The following KIAA1671 variants were observed in gnomAD, a reference collection of about 807,000 sequenced individuals.
KIAA1671 encodes KIAA1671, also known as uncharacterized protein KIAA1671.
In KIAA1671, 52 loss-of-function variants were observed where a neutral mutation model predicts 131.2. The ratio of observed to expected loss-of-function variants is 0.40; its 90% CI spans 0.32 to 0.50. The LOEUF is 0.50. KIAA1671 is among the 20% of genes least tolerant of loss of function. The pLI is 0.73. For synonymous variants in KIAA1671, 1,003 were observed against 961.6 expected (o/e 1.04, Z -0.80); for missense variants, 2,360 against 2,364.2 (o/e 1.00, Z 0.04).
At chr22:25,180,160 G>A (rs1934216632) in intron 9 of KIAA1671, among the ~76,000 whole-genome samples, 1 of 152,252 alleles carries the variant, frequency 6.6e-6, no homozygotes, top group Non-Finnish European at 1.5e-5. Flanking sequence ...ATGCTGGAAA[G>A]GTAGGCAGGG....
intron 6 of KIAA1671, among the ~76,000 whole-genome samples, chr22:25,115,803 G>A (rs62233190): frequency 0.1 from 15,232 of 152,120 alleles, 832 homozygotes; most frequent in East Asian, 0.16. Context: ...TAGAGACAGA[G>A]CCTCACTTTG....
intron 6 of KIAA1671, among the ~76,000 whole-genome samples, chr22:25,105,887 T>C (rs5760857): frequency 0.78 from 117,161 of 151,060 alleles, 46,396 homozygotes; most frequent in African/African-American, 0.93. Context: ...TTTCACTTCT[T>C]TCTGCCGTGG....
At chr22:25,122,976 C>CA (rs1024222896) in intron 6 of KIAA1671, among the ~76,000 whole-genome samples, 23 of 150,576 alleles carry the variant, frequency 1.5e-4, no homozygotes, top group Admixed American at 1.3e-3. Flanking sequence ...CTCCATCTCA[C>CA]AAAAAAAACA....
chr22:25,109,748 C>T (rs995441201), intron 6 of KIAA1671, among the ~76,000 whole-genome samples: 1 of 152,172 alleles, frequency 6.6e-6, no homozygotes, highest in Non-Finnish European at 1.5e-5. Context: ...GGGCTGTGAG[C>T]CCTCTGCTCT....
chr22:25,026,890 A>G (rs1464282248), intron 2 of KIAA1671, among the ~76,000 whole-genome samples: 1 of 152,126 alleles, frequency 6.6e-6, no homozygotes, highest in Non-Finnish European at 1.5e-5. Flanking sequence ...GAGTTGCTGG[A>G]GGGTTAATGA....
chr22:25,182,287 T>G (rs1934316419), intron 10 of KIAA1671, among the ~76,000 whole-genome samples: 1 of 150,684 alleles, frequency 6.6e-6, no homozygotes, highest in South Asian at 2.1e-4. Context: ...CCTCCCTTCC[T>G]ACCTCTTTCT....
At chr22:25,079,603 G>T (rs1929292810) in intron 6 of KIAA1671, among the ~76,000 whole-genome samples, 1 of 152,156 alleles carries the variant, frequency 6.6e-6, no homozygotes, top group Non-Finnish European at 1.5e-5. Flanking sequence ...GGAGCTTGGG[G>T]GGAAACAGGA....
intron 6 of KIAA1671, among the ~76,000 whole-genome samples, chr22:25,159,988 CTG>C (rs1023380225): frequency 1.9e-4 from 29 of 152,346 alleles, no homozygotes; most frequent in African/African-American, 7.0e-4. Flanking sequence ...ACCGCCAACA[CTG>C]TGAACAATCT....
intron 1 of KIAA1671, among the ~76,000 whole-genome samples, chr22:24,976,325 G>A (rs992866915): frequency 2.0e-5 from 3 of 152,224 alleles, no homozygotes; most frequent in Admixed American, 6.5e-5. Flanking sequence ...GGAACAAAAG[G>A]CTTAGAGAGG....
At chr22:25,099,394 G>A (rs576784520) in intron 6 of KIAA1671, among the ~76,000 whole-genome samples, 64 of 152,228 alleles carry the variant, frequency 4.2e-4, no homozygotes, top group African/African-American at 1.5e-3. Flanking sequence ...GATGACATGA[G>A]ATGATGTGGG....
At position 25,193,939 on chromosome 22, in the gene KIAA1671, C is replaced by G. The variant is rs1267445881; in HGVS notation, c.*1538C>G. 6.6e-6 allele frequency: 1 copy of G among 152,200 alleles called. No homozygotes were observed. Among genetic ancestry groups the G allele is most frequent in the African/African-American group, 2.4e-5 (1 of 41,446 alleles). 9.4% of individuals were successfully genotyped at this position (152,200 alleles called of 1,614,324 possible). On this transcript the variant is annotated 3_prime_UTR_variant, in exon 13 of 13. Coordinates refer to ENST00000358431, the MANE Select transcript of KIAA1671 (RefSeq NM_001145206.2). ...TCATTCCCTGAATTAGTCATCAGTTCTCCGTGGCCATTTGGGGATTCATGC... is the reference window on the plus strand; with the variant it reads ...TCATTCCCTGAATTAGTCATCAGTTGTCCGTGGCCATTTGGGGATTCATGC...
chr22:25,084,515 T>C (rs908306192), intron 6 of KIAA1671, among the ~76,000 whole-genome samples: 37 of 151,876 alleles, frequency 2.4e-4, no homozygotes, highest in Non-Finnish European at 3.8e-4. Context: ...TTCTGGTTTA[T>C]CTGATCCTCC....
At chr22:25,137,291 G>A (rs957077389) in intron 6 of KIAA1671, among the ~76,000 whole-genome samples, 3 of 151,876 alleles carry the variant, frequency 2.0e-5, no homozygotes, top group Non-Finnish European at 4.4e-5. Context: ...TTCAATCAGG[G>A]AACAGGAGGA....
At chr22:25,061,975 G>GTT (rs1426109265) in intron 6 of KIAA1671, 1 of 150,788 alleles carries the variant, frequency 6.6e-6, no homozygotes, top group African/African-American at 2.5e-5. Flanking sequence ...TCTTCCTCCT[G>GTT]TTTTTTCTCC....
At chr22:25,026,192 C>A (rs1925933350) in intron 2 of KIAA1671, among the ~76,000 whole-genome samples, 1 of 152,208 alleles carries the variant, frequency 6.6e-6, no homozygotes, top group Non-Finnish European at 1.5e-5. Context: ...GTCTGCCTTT[C>A]TTTCCTGGAG....
At chr22:25,112,343 T>A in intron 6 of KIAA1671, 1 of 398,956 alleles carries the variant, frequency 2.5e-6, no homozygotes, top group Non-Finnish European at 4.4e-6. Context: ...CAAGCGTACT[T>A]CCTCCTTCCG....
At position 25,028,034 on chromosome 22, in the gene KIAA1671, C is replaced by A. The variant is rs1926045466; in HGVS notation, c.35C>A (p.Pro12His). 4 of 1,529,154 alleles carry A rather than the reference C, an allele frequency of 2.6e-6. No homozygotes were observed. The African/African-American group carries it at 5.5e-5, about 21-fold the overall frequency. 94.7% of individuals were successfully genotyped at this position (1,529,154 alleles called of 1,614,324 possible). The change falls in exon 3 of 13, where the codon CCC (proline) becomes CAC (histidine). Residue 12 changes from proline (P) to histidine (H), a missense_variant. Around this residue, in one of 3 missense-constraint regions of KIAA1671, gnomAD observed 1,185 missense variants for 1,126.2 expected, o/e 1.05. Coordinates refer to ENST00000358431, the MANE Select transcript of KIAA1671 (RefSeq NM_001145206.2). Reference sequence around the variant, plus strand: ...CGGGTCGAGGTGGGCTCCATAACGCCCTTGACGGCCGTGCCAGGCCTGGGT... The same window carrying A: ...CGGGTCGAGGTGGGCTCCATAACGCACTTGACGGCCGTGCCAGGCCTGGGT... ...ATRVEVGSIT[P>H]LTAVPGLGEM...
At chr22:25,015,438 A>C (rs561132046) in intron 1 of KIAA1671, among the ~76,000 whole-genome samples, 16 of 152,138 alleles carry the variant, frequency 1.1e-4, no homozygotes, top group Non-Finnish European at 2.4e-4. Flanking sequence ...GTGGTCAGCC[A>C]GTCCAAAAAT....
At position 25,130,382 on chromosome 22, in the gene KIAA1671, T is replaced by C. The variant is rs561053922; in HGVS notation, c.4531-40438T>C. 2.6e-5 allele frequency among the ~76,000 whole-genome samples: 4 copies of C among 152,210 alleles called. No homozygotes were observed. The South Asian group carries it at 8.3e-4, about 32-fold the overall frequency. On this transcript the variant is annotated intron_variant, in intron 6 of 12. Coordinates refer to ENST00000358431, the MANE Select transcript of KIAA1671 (RefSeq NM_001145206.2). Reference sequence around the variant, plus strand: ...AATAGACATTTCTTGAATGAATGAGTAGGTTAAAGAATGTGTACTGAGAAT... The same window carrying C: ...AATAGACATTTCTTGAATGAATGAGCAGGTTAAAGAATGTGTACTGAGAAT...
Sources: gnomAD v4.1 joint callset for allele counts (sites outside exome capture counted in the v4.1 genomes callset) on GRCh38, gnomAD v4.1.1 for gene constraint, gnomAD v4.1.1 regional missense constraint, MANE v1.5 for transcripts, NCBI Gene and HGNC (gene_info 2026-07-23, HGNC 2026-07-21) for gene names.